Variants in GSTK1 observed in about 807,000 individuals in gnomAD.
GSTK1 encodes the protein glutathione S-transferase kappa 1, also known as GST class-kappa.
In GSTK1, 25 loss-of-function variants were observed where a neutral mutation model predicts 30.9. The ratio of observed to expected loss-of-function variants is 0.81; its 90% CI spans 0.59 to 1.13. The LOEUF is 1.13. Ranked by LOEUF, GSTK1 falls within the 50% of genes most tolerant of loss-of-function variation. GSTK1 has a pLI of 0.00. For missense variants in GSTK1, 292 were observed against 292.4 expected, an observed-to-expected ratio of 1.00 and a Z score of 0.01; for synonymous variants, 108 against 112.5, an observed-to-expected ratio of 0.96 and a Z score of 0.25.
At position 143,263,467 on chromosome 7, in the gene GSTK1, C is replaced by T; in HGVS notation, c.-47C>T. ...GAAGCTGGGCAGCCTCTGCCGGGTTCCGGGAAAAGGAGCTCCTGCTGCCAC... is the reference window on the plus strand; with the variant it reads ...GAAGCTGGGCAGCCTCTGCCGGGTTTCGGGAAAAGGAGCTCCTGCTGCCAC... On this transcript the variant is annotated 5_prime_UTR_variant, in exon 1 of 8. Coordinates refer to ENST00000358406, the MANE Select transcript of GSTK1 (RefSeq NM_015917.3). 1 of 1,571,372 alleles carries T rather than the reference C, an allele frequency of 6.4e-7. No individual in the cohort carries two copies. The highest frequency in any genetic ancestry group is 8.7e-7 in the Non-Finnish European group (1 of 1,148,744).
Position 143,268,016 on chromosome 7 carries a change from T to C in GSTK1, c.538-75T>C, listed in dbSNP as rs1563049244. On this transcript the variant is annotated intron_variant, in intron 6 of 7. Transcript: ENST00000358406. This position sits in a 1 kb window ranked among gnomAD's most constrained non-coding sequence, Gnocchi z 4.1. The stretch of plus-strand genomic sequence containing the variant: ...TGCTTCTGTGAACTCAGAAAAGTAC[T>C]GACTCAAAGGTTTCAACCCCTGCCT... 10 of 1,133,050 alleles carry C rather than the reference T, an allele frequency of 8.8e-6. No homozygotes were observed. The South Asian group carries it at 1.2e-4, about 14-fold the overall frequency. The allele number at this position is 1,133,050 out of a possible 1,614,324, so 70.2% of individuals were successfully genotyped here.
chr7:143,265,635 C>T (rs1334683547), intron 5 of GSTK1, among the ~76,000 whole-genome samples: 1 of 152,150 alleles, frequency 6.6e-6, no homozygotes, highest in East Asian at 1.9e-4. Flanking sequence ...CAACACAAAC[C>T]TCACCAACAC....
In GSTK1 at chr7:143,263,469, G is replaced by T; in HGVS notation, c.-45G>T. The T allele has an allele frequency of 6.3e-7, 1 of 1,577,972 alleles. No individual in the cohort carries two copies. On this transcript the variant is annotated 5_prime_UTR_variant, in exon 1 of 8. Coordinates refer to ENST00000358406, the MANE Select transcript of GSTK1 (RefSeq NM_015917.3). ...AGCTGGGCAGCCTCTGCCGGGTTCC[G>T]GGAAAAGGAGCTCCTGCTGCCACTG...
rs370328760 is a variant in GSTK1, at chr7:143,264,604, A to C, written c.211A>C (p.Lys71Gln). ...AGGACTATACATGGCAAATGACTTA[A>C]AGCTCCTGAGACACCATCTCCAGAT... ...RKGLYMANDL[K>Q]LLRHHLQIPI... The change falls in exon 3 of 8, where the codon AAG becomes CAG. Residue 71 changes from lysine to glutamine, a missense_variant. By Grantham distance (53) the Lys-to-Gln change is moderately conservative (BLOSUM62 1). Transcript: ENST00000358406. 18 of 1,613,934 alleles carry C rather than the reference A, an allele frequency of 1.1e-5. No individual in the cohort carries two copies. Among genetic ancestry groups the C allele is most frequent in the Non-Finnish European group, 1.5e-5 (18 of 1,179,934 alleles).
At chr7:143,267,849 C>T in intron 6 of GSTK1, 116 bp downstream of exon 6, 1 of 769,884 alleles carries the variant, frequency 1.3e-6, no homozygotes, top group South Asian at 1.6e-5. Flanking sequence ...GTGTTCTCCT[C>T]AGTGCTCTTA....
chr7:143,264,970 T>C, intron 3 of GSTK1, 22 bp from the exon 4 acceptor site: 2 of 1,611,414 alleles, frequency 1.2e-6, no homozygotes, highest in Non-Finnish European at 1.7e-6. Context: ...GAGCCCTGCC[T>C]CTGGGTGCCT....
chr7:143,268,099 GC>G lies in GSTK1; in HGVS notation c.547del (p.Leu183CysfsTer40). 6 of 1,613,442 alleles carry G rather than the reference GC, an allele frequency of 3.7e-6. No individual in the cohort carries two copies. The highest frequency in any genetic ancestry group is 5.1e-6 in the Non-Finnish European group (6 of 1,179,690). The stretch of plus-strand genomic sequence containing the variant: ...GTAACTGCTTTCTCCAGGCCTTTGG[GC>G]TGCCCATCACCGTGGCCCATGTGGA... ...EAACRYGAFG[L>X]PITVAHVDGQ... On this transcript the variant is annotated frameshift_variant, in exon 7 of 8. Coordinates refer to ENST00000358406, the MANE Select transcript of GSTK1 (RefSeq NM_015917.3). LOFTEE classifies it high-confidence loss of function. This position sits in a 1 kb window ranked among gnomAD's most constrained non-coding sequence, Gnocchi z 4.1.
chr7:143,264,062 A>G (rs542330512), intron 1 of GSTK1, 24 bp from the exon 2 acceptor site: 6 of 1,610,448 alleles, frequency 3.7e-6, no homozygotes, highest in African/African-American at 2.7e-5. Context: ...CACACTGGCA[A>G]TCGTTCTTGA....
chr7:143,263,502 G>A lies in GSTK1; in HGVS notation c.-12G>A. ...GAGCTCCTGCTGCCACTGCTCTTCCGGAGCCTGCAGCATGGGGCCCCTGCC... is the reference window on the plus strand; with the variant it reads ...GAGCTCCTGCTGCCACTGCTCTTCCAGAGCCTGCAGCATGGGGCCCCTGCC... On this transcript the variant is annotated 5_prime_UTR_variant, in exon 1 of 8. Coordinates refer to ENST00000358406, the MANE Select transcript of GSTK1 (RefSeq NM_015917.3). 6.2e-7 allele frequency: 1 copy of A among 1,608,496 alleles called. No homozygotes were observed. Among genetic ancestry groups the A allele is most frequent in the Non-Finnish European group, 8.5e-7 (1 of 1,179,570 alleles).
At chr7:143,266,853 G>T (rs199573404) in intron 5 of GSTK1, among the ~76,000 whole-genome samples, 10 of 151,468 alleles carry the variant, frequency 6.6e-5, no homozygotes, top group Non-Finnish European at 1.2e-4. Flanking sequence ...AGAGATGGGG[G>T]TTTCACTTTG....
chr7:143,264,811 T>C, intron 3 of GSTK1, 135 bp downstream of exon 3: 2 of 1,359,086 alleles, frequency 1.5e-6, no homozygotes, highest in East Asian at 2.3e-5. Flanking sequence ...GGATCAGCCT[T>C]GAGCGAGCTG....
intron 3 of GSTK1, 77 bp from the exon 4 acceptor site, chr7:143,264,915 C>T (rs1800827862): frequency 6.7e-7 from 1 of 1,495,720 alleles, no homozygotes; most frequent in East Asian, 2.3e-5. Context: ...TGGGGGATGT[C>T]AGAAGCAAGG....
rs776410147 is a variant in GSTK1 at position 143,265,343 on chromosome 7, A to G, written c.420+47A>G. 1.8e-5 allele frequency: 27 copies of G among 1,500,398 alleles called. No homozygotes were observed. The South Asian group carries it at 3.4e-4, about 19-fold the overall frequency. 92.9% of individuals were successfully genotyped at this position (1,500,398 alleles called of 1,614,324 possible). ...CAACTGCACTCATAGAGAATCTGAG[A>G]ACAGTTGGCGTTTGGGGGTAAAGAA... On this transcript the variant is annotated intron_variant, in intron 5 of 7. Coordinates refer to ENST00000358406, the MANE Select transcript of GSTK1 (RefSeq NM_015917.3).
rs1464989578 is a variant in GSTK1, at chr7:143,267,697, G to A, written c.501G>A (p.Gln167=). The A allele has an allele frequency of 2.3e-5, 37 of 1,614,058 alleles. No homozygotes were observed. The highest frequency in any genetic ancestry group is 3.3e-5 in the Admixed American group (2 of 60,032). The part of the protein sequence containing the change: ...EKIATPKVKN[Q]LKETTEAACR... ...TCGCAACGCCAAAGGTGAAGAACCA[G>A]CTCAAGGAGACCACTGAGGCAGCCT... The change falls in exon 6 of 8, where the codon CAG becomes CAA. Residue 167 remains glutamine, a synonymous_variant. Coordinates refer to ENST00000358406, the MANE Select transcript of GSTK1 (RefSeq NM_015917.3).
chr7:143,268,423 C>T lies in GSTK1; in HGVS notation c.631+239C>T, dbSNP rs1057067556. 2.0e-5 allele frequency among the ~76,000 whole-genome samples: 3 copies of T among 152,122 alleles called. No homozygotes were observed. Among genetic ancestry groups the T allele is most frequent in the South Asian group, 2.1e-4 (1 of 4,814 alleles). ...CTGGGAGGCGGAGGTTGCAGTGAGC[C>T]GAGATCGCGCCACTGCACTCCAGCC... On this transcript the variant is annotated intron_variant, in intron 7 of 7. Transcript: ENST00000358406. This position sits in a 1 kb window ranked among gnomAD's most constrained non-coding sequence, Gnocchi z 4.1.
Position 143,264,179 on chromosome 7 carries a change from G to A in GSTK1, c.154+12G>A, listed in dbSNP as rs753656935. ...CATGAAAGACAGTGGTAGGAAGGGA[G>A]GGTCGGGGCAGGGGTGATCTCAGTG... On this transcript the variant is annotated intron_variant, in intron 2 of 7. Coordinates refer to ENST00000358406, the MANE Select transcript of GSTK1 (RefSeq NM_015917.3). The A allele has an allele frequency of 5.0e-6, 8 of 1,612,066 alleles. No individual in the cohort carries two copies. Among genetic ancestry groups the A allele is most frequent in the South Asian group, 1.1e-5 (1 of 91,008 alleles).
rs202138549 is a variant in GSTK1 at position 143,264,084 on chromosome 7, A to C, written c.73-2A>C. The C allele has an allele frequency of 6.2e-7, 1 of 1,613,886 alleles. No homozygotes were observed. The highest frequency in any genetic ancestry group is 8.5e-7 in the Non-Finnish European group (1 of 1,179,848). ...GCAATCGTTCTTGACCTCTGCCCGC[A>C]GATCCTGTGCCGGTATCAGAATATC... On this transcript the variant is annotated splice_acceptor_variant, in intron 1 of 7. Transcript: ENST00000358406. LOFTEE classifies it high-confidence loss of function.
At chr7:143,264,341 G>A in intron 2 of GSTK1, 174 bp downstream of exon 2, 1 of 761,834 alleles carries the variant, frequency 1.3e-6, no homozygotes, top group Non-Finnish European at 2.2e-6. Context: ...CTACTCGGGA[G>A]GCTGAGGCGG....
At position 143,268,102 on chromosome 7, in the gene GSTK1, G is replaced by T; in HGVS notation, c.549G>T (p.Leu183=). ...ACTGCTTTCTCCAGGCCTTTGGGCT[G>T]CCCATCACCGTGGCCCATGTGGATG... The part of the protein sequence containing the change: ...EAACRYGAFG[L]PITVAHVDGQ... Residue 183 remains leucine (L), a synonymous_variant, in exon 7 of 8, where the codon CTG becomes CTT. Coordinates refer to ENST00000358406, the MANE Select transcript of GSTK1 (RefSeq NM_015917.3). The surrounding 1 kb of genome is among the most constrained non-coding windows in gnomAD (Gnocchi z 4.1). The T allele has an allele frequency of 6.2e-7, 1 of 1,613,664 alleles. No homozygotes were observed. The highest frequency in any genetic ancestry group is 8.5e-7 in the Non-Finnish European group (1 of 1,179,774).
Sources: gnomAD v4.1 joint callset for allele counts (sites outside exome capture counted in the v4.1 genomes callset) on GRCh38, gnomAD v4.1.1 for gene constraint, Gnocchi (gnomAD v3.1) non-coding constraint, MANE v1.5 for transcripts, NCBI Gene and HGNC (gene_info 2026-07-23, HGNC 2026-07-21) for gene names.